The following KALRN variants were observed in gnomAD, a reference collection of about 807,000 sequenced individuals.
KALRN encodes kalirin.
In KALRN, 70 loss-of-function variants were observed where a neutral mutation model predicts 353.7. The ratio of observed to expected loss-of-function variants is 0.20; its 90% CI spans 0.16 to 0.24. KALRN has a LOEUF of 0.24. Ranked by LOEUF, KALRN falls within the 10% of genes least tolerant of loss-of-function variation. KALRN has a pLI of 1.00. For missense variants in KALRN, 2,791 were observed against 3,756.7 expected (o/e 0.74, Z 6.72); for synonymous variants, 1,391 against 1,434.8 (o/e 0.97, Z 0.69).
At chr3:124,592,720 A>G (rs2075923657) in intron 34 of KALRN, among the ~76,000 whole-genome samples, 1 of 152,122 alleles carries the variant, frequency 6.6e-6, no homozygotes, top group South Asian at 2.1e-4. Context: ...GGTGAGGCCC[A>G]CGGGTGGCTT....
chr3:124,182,970 A>G (rs1000849404), intron 1 of KALRN, among the ~76,000 whole-genome samples: 1 of 152,178 alleles, frequency 6.6e-6, no homozygotes, highest in Non-Finnish European at 1.5e-5. Flanking sequence ...TTTGTATATT[A>G]TATATATAGG....
At position 124,281,185 on chromosome 3, in the gene KALRN, G is replaced by A. The variant is rs1978988; in HGVS notation, c.969+11930G>A. On this transcript the variant is annotated intron_variant, in intron 5 of 59. Transcript: ENST00000682506. ...TGGCCCCTTTGAAATCCCACTCTTG[G>A]TTTGTTCACCTCTAGTCTCTCCTTA... is the stretch of plus-strand genomic sequence containing the variant. Among the ~76,000 whole-genome samples, 1,068 of 152,208 alleles carry A rather than the reference G, an allele frequency of 7.0e-3. 13 individuals are homozygous for A. The highest frequency in any genetic ancestry group is 0.024 in the African/African-American group (993 of 41,514).
chr3:124,684,893 C>T (rs1008458337), intron 51 of KALRN, among the ~76,000 whole-genome samples: 7 of 152,090 alleles, frequency 4.6e-5, no homozygotes, highest in South Asian at 2.1e-4. Context: ...TTCCCTGGCC[C>T]GCCTTTCATG....
intron 37 of KALRN, among the ~76,000 whole-genome samples, chr3:124,639,425 ATAT>A (rs144546743): frequency 0.11 from 17,282 of 152,132 alleles, 1,046 homozygotes; most frequent in Middle Eastern, 0.2. Context: ...GTCATTTAGG[ATAT>A]TATTATTTTT....
intron 6 of KALRN, among the ~76,000 whole-genome samples, chr3:124,325,530 T>G (rs2079807147): frequency 1.3e-5 from 2 of 152,136 alleles, no homozygotes. Flanking sequence ...CTGCCCTGTT[T>G]GTTGTATGTA....
chr3:124,091,674 G>A (rs1287896208), intron 1 of KALRN, among the ~76,000 whole-genome samples: 1 of 152,160 alleles, frequency 6.6e-6, no homozygotes. Context: ...TTGCTGGCCT[G>A]GTGTCACTGC....
intron 9 of KALRN, 54 bp from the exon 10 acceptor site, chr3:124,347,089 C>T: frequency 1.9e-6 from 3 of 1,611,380 alleles, no homozygotes; most frequent in Non-Finnish European, 1.7e-6. Flanking sequence ...CATGTTGTCA[C>T]ATGTCTTTCC....
intron 19 of KALRN, among the ~76,000 whole-genome samples, chr3:124,444,101 T>C (rs1214512626): frequency 6.6e-6 from 1 of 152,194 alleles, no homozygotes; most frequent in Non-Finnish European, 1.5e-5. Context: ...TGTAAACATA[T>C]GTTGTTGAAG....
chr3:124,386,458 T>C (rs1176234580), intron 11 of KALRN, among the ~76,000 whole-genome samples: 2 of 152,104 alleles, frequency 1.3e-5, no homozygotes, highest in Non-Finnish European at 2.9e-5. Flanking sequence ...GAACTACCAC[T>C]CCCAAAAGAG....
chr3:124,583,807 G>A (rs999091122), intron 34 of KALRN, among the ~76,000 whole-genome samples: 6 of 152,060 alleles, frequency 3.9e-5, no homozygotes, highest in African/African-American at 1.4e-4. Flanking sequence ...GCAAATTCTC[G>A]GGCCCCACCT....
intron 10 of KALRN, among the ~76,000 whole-genome samples, chr3:124,356,312 CT>C (rs11433826): frequency 7.9e-5 from 11 of 139,804 alleles, no homozygotes; most frequent in Admixed American, 3.0e-4. Context: ...AGATTGTTCT[CT>C]TTTTTTTTTC....
At chr3:124,401,716 T>G (rs2150127625) in intron 13 of KALRN, among the ~76,000 whole-genome samples, 1 of 151,964 alleles carries the variant, frequency 6.6e-6, no homozygotes, top group African/African-American at 2.4e-5. Context: ...TTACAAGGGG[T>G]CTTATTCCCT....
intron 4 of KALRN, among the ~76,000 whole-genome samples, chr3:124,266,611 A>G (rs2073585414): frequency 6.6e-6 from 1 of 152,234 alleles, no homozygotes. Flanking sequence ...TTGAAAACAC[A>G]GAGCTGCTTT....
At chr3:124,300,773 T>C (rs1484682050) in intron 6 of KALRN, among the ~76,000 whole-genome samples, 3 of 152,218 alleles carry the variant, frequency 2.0e-5, no homozygotes, top group Non-Finnish European at 2.9e-5. Flanking sequence ...ATGAAGGTTA[T>C]GAGACCAGGC....
chr3:124,395,849 A>C (rs2090094513), intron 12 of KALRN, among the ~76,000 whole-genome samples: 1 of 152,160 alleles, frequency 6.6e-6, no homozygotes, highest in Non-Finnish European at 1.5e-5. Flanking sequence ...CCCAATTATG[A>C]CCTTTTACCA....
intron 1 of KALRN, among the ~76,000 whole-genome samples, chr3:124,183,870 G>T (rs1479594998): frequency 6.6e-6 from 1 of 152,208 alleles, no homozygotes; most frequent in African/African-American, 2.4e-5. Flanking sequence ...CAGGAAATGT[G>T]TTGGAGAAGG....
In KALRN at chr3:124,550,292, G is replaced by A. The variant is rs188532375; in HGVS notation, c.4936-12551G>A. ...GGGCTGAGCTATAGTGGAGGGAGCCGGAAGGGAGGAAGAGGAAGAGGCCTG... is the reference window on the plus strand; with the variant it reads ...GGGCTGAGCTATAGTGGAGGGAGCCAGAAGGGAGGAAGAGGAAGAGGCCTG... On this transcript the variant is annotated intron_variant, in intron 33 of 59. Coordinates refer to ENST00000682506, the MANE Select transcript of KALRN (RefSeq NM_001388419.1). Among the ~76,000 whole-genome samples the A allele has an allele frequency of 1.2e-3, 179 of 152,250 alleles. 1 individual carries two copies. Among genetic ancestry groups the A allele is most frequent in the South Asian group, 5.8e-3 (28 of 4,810 alleles).
chr3:124,638,503 C>A (rs1301823666), intron 37 of KALRN, among the ~76,000 whole-genome samples: 2 of 152,218 alleles, frequency 1.3e-5, no homozygotes, highest in Non-Finnish European at 2.9e-5. Context: ...CACTTGCTCT[C>A]CCTCTCCACA....
intron 15 of KALRN, among the ~76,000 whole-genome samples, chr3:124,429,408 A>G (rs1576854543): frequency 6.6e-6 from 1 of 152,206 alleles, no homozygotes; most frequent in East Asian, 1.9e-4. Flanking sequence ...GGAGAAAAAT[A>G]TGAAAGCAAA....
Sources: allele counts gnomAD v4.1 joint callset (sites outside exome capture counted in the v4.1 genomes callset), GRCh38; gene constraint gnomAD v4.1.1; transcripts MANE v1.5; gene names NCBI Gene and HGNC (gene_info 2026-07-23, HGNC 2026-07-21).